The following FBXO11 variants were observed in gnomAD, a reference collection of about 807,000 sequenced individuals.
FBXO11 encodes F-box only protein 11.
A neutral mutation model predicts 117.0 loss-of-function variants in FBXO11; 13 were observed. The ratio of observed to expected loss-of-function variants is 0.11; its 90% CI spans 0.07 to 0.18. The LOEUF (loss-of-function observed/expected upper bound fraction) is 0.18. Among genes scored for constraint, FBXO11 ranks in the 10% least tolerant of loss-of-function variants. The pLI is 1.00. For synonymous variants in FBXO11, 490 were observed against 380.5 expected (o/e 1.29, Z -3.35); for missense variants, 767 against 1,164.4 (o/e 0.66, Z 4.97).
rs1678282995 is a variant in FBXO11 at position 47,901,284 on chromosome 2, G to A, written c.232+4205C>T. ...TACAAGATTAGCTCAGAGTAGAAAT[G>A]AATAGCAAAATCTATTAATGCATTC... On this transcript the variant is annotated intron_variant, in intron 1 of 22. Transcript: ENST00000403359. Among the ~76,000 whole-genome samples the A allele has an allele frequency of 3.3e-5, 5 of 150,868 alleles. 1 individual carries two copies. Among genetic ancestry groups the A allele is most frequent in the Admixed American group, 3.3e-4 (5 of 15,164 alleles).
chr2:47,873,414 G>A (rs951536838), intron 1 of FBXO11, among the ~76,000 whole-genome samples: 1 of 152,116 alleles, frequency 6.6e-6, no homozygotes, highest in Non-Finnish European at 1.5e-5. Flanking sequence ...CAGTGCTCCT[G>A]GGTTTTATCC....
intron 1 of FBXO11, among the ~76,000 whole-genome samples, chr2:47,904,612 ACACACAC>A (rs1678600114): frequency 1.5e-5 from 2 of 137,192 alleles, no homozygotes; most frequent in Admixed American, 7.0e-5. Context: ...ACACACACAC[ACACACAC>A]ACAAAATATC....
At chr2:47,851,665 TA>T (rs1263575905) in intron 1 of FBXO11, among the ~76,000 whole-genome samples, 1 of 152,204 alleles carries the variant, frequency 6.6e-6, no homozygotes, top group East Asian at 1.9e-4. Flanking sequence ...ACAGGTGTTA[TA>T]AAAGTATAAA....
intron 16 of FBXO11, among the ~76,000 whole-genome samples, chr2:47,817,685 A>G (rs1671098208): frequency 6.6e-6 from 1 of 152,216 alleles, no homozygotes; most frequent in African/African-American, 2.4e-5. Flanking sequence ...TAATTGGCCT[A>G]ATTTCGATAC....
chr2:47,905,904 G>C lies in FBXO11; in HGVS notation c.-184C>G, dbSNP rs559900360. ...GACCCCGAGTCCGGAGAAAGGCCCG[G>C]GTAGACAGACGGAGACCGAGCGAGG... On this transcript the variant is annotated 5_prime_UTR_variant, in exon 1 of 23. Coordinates refer to ENST00000403359, the MANE Select transcript of FBXO11 (RefSeq NM_001190274.2). 15 of 672,536 alleles carry C rather than the reference G, an allele frequency of 2.2e-5. No homozygotes were observed. In the African/African-American group the frequency reaches 2.3e-4, roughly 10 times the overall value. The allele number at this position is 672,536 out of a possible 1,614,324, so 41.7% of individuals were successfully genotyped here.
At chr2:47,894,625 A>G (rs926814358) in intron 1 of FBXO11, among the ~76,000 whole-genome samples, 1 of 152,192 alleles carries the variant, frequency 6.6e-6, no homozygotes, top group Admixed American at 6.5e-5. Flanking sequence ...GGGGAAATCA[A>G]AGTGATATTA....
At chr2:47,895,737 G>A (rs1677609992) in intron 1 of FBXO11, among the ~76,000 whole-genome samples, 1 of 152,070 alleles carries the variant, frequency 6.6e-6, no homozygotes, top group African/African-American at 2.4e-5. Flanking sequence ...CTTTCACCCA[G>A]GCTGGAGTGC....
chr2:47,902,110 A>T (rs1189946635), intron 1 of FBXO11, among the ~76,000 whole-genome samples: 1 of 151,506 alleles, frequency 6.6e-6, no homozygotes, highest in Non-Finnish European at 1.5e-5. Flanking sequence ...TCATTTTTGT[A>T]TTTCTAGTTA....
chr2:47,838,185 A>G (rs949385639), intron 4 of FBXO11, among the ~76,000 whole-genome samples: 14 of 151,796 alleles, frequency 9.2e-5, no homozygotes, highest in Non-Finnish European at 1.0e-4. Flanking sequence ...GTGAGCTAGG[A>G]GCGTGACACT....
At chr2:47,832,522 CT>C in intron 10 of FBXO11, 36 bp from the exon 11 acceptor site, 2 of 1,608,520 alleles carry the variant, frequency 1.2e-6, no homozygotes, top group Non-Finnish European at 8.5e-7. Context: ...ATCAGTAGAG[CT>C]TTTAAACATT....
intron 1 of FBXO11, 32 bp downstream of exon 1, chr2:47,905,457 A>AGGCG (rs1237843793): frequency 4.1e-5 from 50 of 1,208,830 alleles, no homozygotes; most frequent in Non-Finnish European, 5.0e-5. Context: ...GTGCCCGGGA[A>AGGCG]GGCGGGCGGT....
intron 21 of FBXO11, chr2:47,808,728 CTG>C: frequency 3.0e-6 from 1 of 332,586 alleles, no homozygotes. Context: ...AGAGTCAAAA[CTG>C]TCACAGTGAC....
At chr2:47,892,178 A>G (rs1677303897) in intron 1 of FBXO11, among the ~76,000 whole-genome samples, 1 of 152,160 alleles carries the variant, frequency 6.6e-6, no homozygotes, top group Non-Finnish European at 1.5e-5. Flanking sequence ...TGTATCCATG[A>G]AATCACTGCC....
chr2:47,861,567 C>T (rs774515533), intron 1 of FBXO11, among the ~76,000 whole-genome samples: 17 of 152,124 alleles, frequency 1.1e-4, no homozygotes, highest in Non-Finnish European at 2.1e-4. Flanking sequence ...AGCAATCCTC[C>T]CATCTCAGCC....
chr2:47,815,392 G>C (rs1386587153), intron 16 of FBXO11, among the ~76,000 whole-genome samples: 1 of 152,140 alleles, frequency 6.6e-6, no homozygotes, highest in Admixed American at 6.5e-5. Flanking sequence ...TGAGAGAAAG[G>C]AATTCTAGTT....
chr2:47,857,156 G>A (rs1674361871), intron 1 of FBXO11, among the ~76,000 whole-genome samples: 1 of 152,154 alleles, frequency 6.6e-6, no homozygotes, highest in Admixed American at 6.5e-5. Context: ...TTCCAAGTCT[G>A]CATACCTAAC....
chr2:47,843,029 C>T (rs1350160026), intron 1 of FBXO11, among the ~76,000 whole-genome samples: 1 of 152,136 alleles, frequency 6.6e-6, no homozygotes. Context: ...TCAAGTGATC[C>T]TCCTGCCATG....
chr2:47,819,127 C>A, intron 14 of FBXO11, 49 bp from the exon 15 acceptor site: 1 of 1,580,426 alleles, frequency 6.3e-7, no homozygotes, highest in African/African-American at 1.4e-5. Flanking sequence ...ATAAGCAAGG[C>A]GTTTATAGTC....
chr2:47,884,321 G>T (rs1346470022), intron 1 of FBXO11, among the ~76,000 whole-genome samples: 1 of 152,148 alleles, frequency 6.6e-6, no homozygotes, highest in Non-Finnish European at 1.5e-5. Flanking sequence ...TCTCTTTTCT[G>T]AATATAATCA....
Sources: gnomAD v4.1 joint callset for allele counts (sites outside exome capture counted in the v4.1 genomes callset) on GRCh38, gnomAD v4.1.1 for gene constraint, MANE v1.5 for transcripts, NCBI Gene and HGNC (gene_info 2026-07-23, HGNC 2026-07-21) for gene names.